Variants in ERO1B observed in about 807,000 individuals in gnomAD.
The protein encoded by ERO1B is endoplasmic reticulum oxidoreductase 1 beta.
Under a neutral mutation model 75.3 loss-of-function variants are expected in ERO1B, and 49 were observed. The observed-to-expected ratio is 0.65, with a 90% CI of 0.52 to 0.83. The LOEUF is 0.83. Ranked by LOEUF, ERO1B falls within the 40% of genes least tolerant of loss-of-function variation. The pLI is 0.00. For synonymous variants in ERO1B, 191 were observed against 192.9 expected (o/e 0.99, Z 0.08); for missense variants, 512 against 560.1 (o/e 0.91, Z 0.87).
In ERO1B at chr1:236,245,312, A is replaced by ACG. The variant is rs1664818992; in HGVS notation, c.432-1818_432-1817insCG. Reference sequence around the variant, plus strand: ...GCCCAGTCAAAATATATATATATATATATATATATACACACACGTATATAT... The same window carrying ACG: ...GCCCAGTCAAAATATATATATATATACGTATATATATACACACACGTATATAT... On this transcript the variant is annotated intron_variant, in intron 5 of 15. Transcript: ENST00000354619. 8.2e-4 allele frequency among the ~76,000 whole-genome samples: 17 copies of ACG among 20,654 alleles called. 1 individual carries two copies. Among genetic ancestry groups the ACG allele is most frequent in the Admixed American group, 3.8e-3 (4 of 1,066 alleles). 13.5% of individuals were successfully genotyped at this position (20,654 alleles called of 152,430 possible).
At chr1:236,229,166 C>T (rs1037887716) in intron 10 of ERO1B, among the ~76,000 whole-genome samples, 43 of 152,182 alleles carry the variant, frequency 2.8e-4, no homozygotes, top group Admixed American at 2.8e-3. Flanking sequence ...TGGCTCACAC[C>T]TGTTATCCCA....
chr1:236,248,556 T>G (rs1664940778), intron 5 of ERO1B, among the ~76,000 whole-genome samples: 1 of 152,118 alleles, frequency 6.6e-6, no homozygotes, highest in South Asian at 2.1e-4. Context: ...ATGATGAAAA[T>G]CATTCATCAG....
chr1:236,219,471 T>G (rs1460246488), intron 15 of ERO1B, among the ~76,000 whole-genome samples: 4 of 152,234 alleles, frequency 2.6e-5, no homozygotes, highest in Admixed American at 1.3e-4. Context: ...TTTGAAATTC[T>G]CAATTGTTTT....
chr1:236,250,105 G>T, intron 4 of ERO1B, 138 bp from the exon 5 acceptor site: 1 of 472,594 alleles, frequency 2.1e-6, no homozygotes, highest in Non-Finnish European at 3.6e-6. Context: ...CCTATCATAT[G>T]TAAGAAATAC....
chr1:236,276,458 C>G (rs1024937077), intron 1 of ERO1B, among the ~76,000 whole-genome samples: 6 of 152,124 alleles, frequency 3.9e-5, no homozygotes, highest in African/African-American at 1.4e-4. Flanking sequence ...GACTGGTCCA[C>G]TAGACAGGAA....
intron 5 of ERO1B, among the ~76,000 whole-genome samples, chr1:236,243,843 C>T (rs2695062): frequency 0.99 from 150,748 of 152,250 alleles, 74,655 homozygotes; most frequent in Middle Eastern, 1. Flanking sequence ...TAACGTTAAA[C>T]GTATTTTTTC....
intron 1 of ERO1B, among the ~76,000 whole-genome samples, chr1:236,280,801 T>A (rs1447316100): frequency 6.6e-6 from 1 of 152,200 alleles, no homozygotes; most frequent in Non-Finnish European, 1.5e-5. Context: ...TTCGTTTTAT[T>A]TTTTTGGCCC....
At chr1:236,278,086 T>C (rs1018636382) in intron 1 of ERO1B, among the ~76,000 whole-genome samples, 3 of 152,160 alleles carry the variant, frequency 2.0e-5, no homozygotes, top group African/African-American at 7.2e-5. Flanking sequence ...TTATTCTCCT[T>C]GGCACTTCAT....
intron 13 of ERO1B, among the ~76,000 whole-genome samples, chr1:236,222,325 C>G (rs546919172): frequency 6.6e-6 from 1 of 152,276 alleles, no homozygotes; most frequent in East Asian, 1.9e-4. Context: ...GTTGTCCAGG[C>G]TGGTCTTGAA....
At chr1:236,267,756 T>C (rs894269466) in intron 2 of ERO1B, 2 of 152,180 alleles carry the variant, frequency 1.3e-5, no homozygotes, top group African/African-American at 4.8e-5. Flanking sequence ...GTGGTGGAAA[T>C]TTAAAGAAGC....
chr1:236,250,244 C>T (rs1484981245), intron 4 of ERO1B, among the ~76,000 whole-genome samples: 6 of 151,900 alleles, frequency 3.9e-5, no homozygotes, highest in Admixed American at 6.6e-5. Flanking sequence ...CCAAGGCGGG[C>T]GGATCACTTG....
At chr1:236,264,844 CA>C (rs564506100) in intron 2 of ERO1B, among the ~76,000 whole-genome samples, 2 of 145,936 alleles carry the variant, frequency 1.4e-5, no homozygotes, top group Non-Finnish European at 3.0e-5. Flanking sequence ...AGACTGTCTC[CA>C]AAAAAAAAGA....
chr1:236,281,863 G>T lies in ERO1B; in HGVS notation c.-80C>A. The T allele has an allele frequency of 9.2e-7, 1 of 1,091,028 alleles. No homozygotes were observed. Among genetic ancestry groups the T allele is most frequent in the Non-Finnish European group, 1.2e-6 (1 of 832,928 alleles). 67.6% of individuals were successfully genotyped at this position (1,091,028 alleles called of 1,614,324 possible). A position where few individuals can be genotyped will look rare whatever the true frequency, so the allele number is the denominator to read the frequency against. On this transcript the variant is annotated 5_prime_UTR_variant, in exon 1 of 16. Coordinates refer to ENST00000354619, the MANE Select transcript of ERO1B (RefSeq NM_019891.4). ...GGGCGGCCCAGGCGACGACCCAAGG[G>T]GACGGTTCCCAGCGGCCGAGCGACT...
chr1:236,238,261 G>A (rs760421611), intron 6 of ERO1B, among the ~76,000 whole-genome samples: 5 of 152,132 alleles, frequency 3.3e-5, no homozygotes, highest in Non-Finnish European at 7.4e-5. Flanking sequence ...GCAAGGCAAG[G>A]AAAACAATTT....
In ERO1B at chr1:236,268,625, G is replaced by A. The variant is rs144895931; in HGVS notation, c.222+1250C>T. On this transcript the variant is annotated intron_variant, in intron 2 of 15. Coordinates refer to ENST00000354619, the MANE Select transcript of ERO1B (RefSeq NM_019891.4). ...AACAAGGCCGGGCGCGGTGGCTCAC[G>A]CCTGTAATCCCAGCACTTTGGGAGG... Among the ~76,000 whole-genome samples, 822 of 151,936 alleles carry A rather than the reference G, an allele frequency of 5.4e-3. 8 individuals carry two copies. The highest frequency in any genetic ancestry group is 0.018 in the African/African-American group (761 of 41,416).
intron 6 of ERO1B, among the ~76,000 whole-genome samples, chr1:236,241,702 AG>A (rs67004401): frequency 0.24 from 36,756 of 151,918 alleles, 4,630 homozygotes; most frequent in East Asian, 0.38. Flanking sequence ...GAAAATCTTA[AG>A]GGGATGATTT....
chr1:236,271,450 G>A (rs1364931450), intron 1 of ERO1B, among the ~76,000 whole-genome samples: 1 of 152,046 alleles, frequency 6.6e-6, no homozygotes, highest in African/African-American at 2.4e-5. Flanking sequence ...TTACTTTGCT[G>A]TCCGACTCAC....
intron 1 of ERO1B, among the ~76,000 whole-genome samples, chr1:236,277,592 T>C (rs567432623): frequency 5.9e-5 from 9 of 152,238 alleles, no homozygotes; most frequent in East Asian, 1.9e-4. Context: ...AGTTCATCAA[T>C]GGTAACCAAC....
intron 5 of ERO1B, among the ~76,000 whole-genome samples, chr1:236,245,109 C>T (rs2102951390): frequency 6.6e-6 from 1 of 150,826 alleles, no homozygotes; most frequent in Non-Finnish European, 1.5e-5. Flanking sequence ...CTATCCTCAG[C>T]CTCCCAAGTA....
Sources: gnomAD v4.1 joint callset for allele counts (sites outside exome capture counted in the v4.1 genomes callset) on GRCh38, gnomAD v4.1.1 for gene constraint, MANE v1.5 for transcripts, NCBI Gene and HGNC (gene_info 2026-07-23, HGNC 2026-07-21) for gene names.